The following XNDC1N variants were observed in gnomAD, a reference collection of about 807,000 sequenced individuals.
XNDC1N encodes XRCC1 N-terminal domain containing 1, N-terminal like, also known as protein XNDC1N.
At chr11:71,925,763 C>T in the XNDC1N span, among the ~76,000 whole-genome samples, 1 of 150,822 alleles carries the variant, frequency 6.6e-6, no homozygotes, top group Non-Finnish European at 1.5e-5. Context: ...GCCTGTAGTC[C>T]CAACTACTCG....
chr11:71,872,080 A>G, the XNDC1N span, among the ~76,000 whole-genome samples: 1 of 152,244 alleles, frequency 6.6e-6, no homozygotes, highest in Admixed American at 6.5e-5. Context: ...ATACTATTTC[A>G]TAATAAAAAA....
At chr11:71,891,026 C>T in the XNDC1N span, among the ~76,000 whole-genome samples, 11 of 151,928 alleles carry the variant, frequency 7.2e-5, no homozygotes, top group Admixed American at 7.2e-4. Context: ...CCTCTCTTCC[C>T]CTGGACATTA....
chr11:71,915,193 A>G, the XNDC1N span, among the ~76,000 whole-genome samples: 1 of 152,196 alleles, frequency 6.6e-6, no homozygotes, highest in Non-Finnish European at 1.5e-5. Flanking sequence ...TCACGCCTGT[A>G]ATCCCAGCAC....
chr11:71,877,946 G>A, the XNDC1N span, among the ~76,000 whole-genome samples: 3 of 152,168 alleles, frequency 2.0e-5, no homozygotes, highest in South Asian at 2.1e-4. Flanking sequence ...TATCTCATTC[G>A]ATCGATTGGA....
At chr11:71,917,460 A>C in the XNDC1N span, 1 of 656,058 alleles carries the variant, frequency 1.5e-6, no homozygotes. Flanking sequence ...ACACAAGCAC[A>C]CCATTCCTTA....
the XNDC1N span, chr11:71,894,266 C>T: frequency 2.5e-6 from 1 of 399,428 alleles, no homozygotes; most frequent in Admixed American, 3.7e-5. Flanking sequence ...GCTCTGTCAC[C>T]ACCCCCCAGG....
chr11:71,866,899 G>A, the XNDC1N span, among the ~76,000 whole-genome samples: 8 of 152,204 alleles, frequency 5.3e-5, no homozygotes, highest in South Asian at 1.2e-3. Context: ...CGAGACAATA[G>A]AGTTTCCAAA....
the XNDC1N span, chr11:71,916,508 G>C: frequency 4.5e-6 from 2 of 446,920 alleles, no homozygotes; most frequent in African/African-American, 3.9e-5. Flanking sequence ...ACTATTCTCA[G>C]CATGAATTCT....
chr11:71,881,597 G>T, the XNDC1N span, among the ~76,000 whole-genome samples: 1 of 151,848 alleles, frequency 6.6e-6, no homozygotes, highest in African/African-American at 2.4e-5. Flanking sequence ...TTGCACGAGG[G>T]CCATACCCTG....
At chr11:71,896,182 G>C in the XNDC1N span, among the ~76,000 whole-genome samples, 1 of 151,900 alleles carries the variant, frequency 6.6e-6, no homozygotes, top group Admixed American at 6.6e-5. Context: ...GGAGGGCTGA[G>C]GCCCAAGAAG....
the XNDC1N span, among the ~76,000 whole-genome samples, chr11:71,895,479 T>A: frequency 1.8e-4 from 18 of 99,848 alleles, no homozygotes; most frequent in East Asian, 6.4e-4. Flanking sequence ...CTGGCTATTT[T>A]TTTTTTTTTT....
the XNDC1N span, chr11:71,884,186 T>C: frequency 2.4e-6 from 1 of 418,796 alleles, no homozygotes; most frequent in Non-Finnish European, 4.2e-6. Flanking sequence ...TAAAATTCTG[T>C]ACATTTCCAA....
At chr11:71,894,031 G>T in the XNDC1N span, 3 of 732,496 alleles carry the variant, frequency 4.1e-6, no homozygotes, top group South Asian at 4.4e-5. Context: ...TCTCAAACTT[G>T]CTTGTTCTGA....
the XNDC1N span, among the ~76,000 whole-genome samples, chr11:71,924,414 T>C: frequency 3.3e-5 from 5 of 151,916 alleles, no homozygotes; most frequent in Non-Finnish European, 7.4e-5. Flanking sequence ...CGCGGTGGCT[T>C]ATGCCTGTAA....
At chr11:71,890,000 C>T in the XNDC1N span, among the ~76,000 whole-genome samples, 7 of 152,214 alleles carry the variant, frequency 4.6e-5, no homozygotes, top group Admixed American at 1.3e-4. Flanking sequence ...GTACAGAAGA[C>T]GGCAAAGGTA....
chr11:71,876,192 G>C, the XNDC1N span, among the ~76,000 whole-genome samples: 2 of 152,246 alleles, frequency 1.3e-5, no homozygotes, highest in East Asian at 3.9e-4. Flanking sequence ...TGTCTTCCTG[G>C]AGAGTTATGT....
At chr11:71,886,019 G>T in the XNDC1N span, among the ~76,000 whole-genome samples, 3 of 151,778 alleles carry the variant, frequency 2.0e-5, no homozygotes, top group Non-Finnish European at 4.4e-5. Flanking sequence ...GCGGTAAGTC[G>T]CATTGCGCCA....
chr11:71,884,648 A>C, the XNDC1N span: 4 of 1,457,526 alleles, frequency 2.7e-6, no homozygotes, highest in Non-Finnish European at 3.7e-6. Flanking sequence ...TGATAGATGA[A>C]AATTATTATA....
At chr11:71,879,734 C>T in the XNDC1N span, among the ~76,000 whole-genome samples, 371 of 152,130 alleles carry the variant, frequency 2.4e-3, no homozygotes, top group Middle Eastern at 6.8e-3. Flanking sequence ...TGTTTATCAG[C>T]GCAAGAAGAA....
Sources: allele counts gnomAD v4.1 joint callset (sites outside exome capture counted in the v4.1 genomes callset), GRCh38; gene constraint gnomAD v4.1.1; transcripts MANE v1.5; gene names NCBI Gene and HGNC (gene_info 2026-07-23, HGNC 2026-07-21).